The following EHBP1 variants were observed in gnomAD, a reference collection of about 807,000 sequenced individuals.
EHBP1 encodes the protein EH domain binding protein 1.
A neutral mutation model predicts 144.0 loss-of-function variants in EHBP1; 55 were observed. The observed-to-expected ratio is 0.38, with a 90% CI of 0.31 to 0.48. The LOEUF (loss-of-function observed/expected upper bound fraction) is 0.48. Among genes scored for constraint, EHBP1 ranks in the 20% least tolerant of loss-of-function variants. The pLI, the probability that EHBP1 is intolerant of heterozygous loss-of-function variation, is 0.98. For missense variants in EHBP1, 1,200 were observed against 1,364.2 expected (o/e 0.88, Z 1.90); for synonymous variants, 469 against 472.7 (o/e 0.99, Z 0.10).
At chr2:62,824,453 T>C (rs1352516278) in intron 5 of EHBP1, among the ~76,000 whole-genome samples, 1 of 152,026 alleles carries the variant, frequency 6.6e-6, no homozygotes, top group Admixed American at 6.6e-5. Flanking sequence ...GATCATACTT[T>C]TTCATTTTGC....
At chr2:62,694,026 GT>G (rs1463292798) in intron 1 of EHBP1, among the ~76,000 whole-genome samples, 1 of 151,908 alleles carries the variant, frequency 6.6e-6, no homozygotes, top group Admixed American at 6.6e-5. Context: ...AGATTTATTT[GT>G]TTTCTTCTAA....
intron 3 of EHBP1, among the ~76,000 whole-genome samples, chr2:62,752,947 CTT>C (rs2039895054): frequency 6.6e-6 from 1 of 152,126 alleles, no homozygotes; most frequent in Admixed American, 6.5e-5. Flanking sequence ...GGTCTTGACT[CTT>C]TATCCAAATT....
chr2:62,696,847 C>T (rs1369420919), intron 1 of EHBP1, among the ~76,000 whole-genome samples: 3 of 152,082 alleles, frequency 2.0e-5, no homozygotes, highest in Non-Finnish European at 4.4e-5. Context: ...TAAAAAATCA[C>T]AGAACACATA....
chr2:62,820,737 A>AT (rs1236966050), intron 5 of EHBP1, among the ~76,000 whole-genome samples: 23 of 54,640 alleles, frequency 4.2e-4, no homozygotes, highest in African/African-American at 1.4e-3. Flanking sequence ...GTGTGTGTAT[A>AT]ATATATATAT....
At chr2:62,839,668 A>G (rs1217784944) in intron 7 of EHBP1, among the ~76,000 whole-genome samples, 3 of 151,778 alleles carry the variant, frequency 2.0e-5, no homozygotes. Context: ...ATCAATGTAC[A>G]AAAATCACAA....
chr2:62,904,987 G>A (rs138039504), intron 10 of EHBP1, among the ~76,000 whole-genome samples: 1,789 of 152,238 alleles, frequency 0.012, 14 homozygotes, highest in Middle Eastern at 0.02. Context: ...CAAAATAAGA[G>A]TCTTCAGATA....
chr2:62,927,613 T>G (rs189472782), intron 10 of EHBP1, among the ~76,000 whole-genome samples: 1 of 152,288 alleles, frequency 6.6e-6, no homozygotes, highest in Admixed American at 6.5e-5. Context: ...TCAAAATATC[T>G]GAAGCAAAAA....
chr2:62,953,158 G>A (rs1478070946), intron 13 of EHBP1, among the ~76,000 whole-genome samples: 4 of 148,774 alleles, frequency 2.7e-5, no homozygotes, highest in East Asian at 2.0e-4. Flanking sequence ...CGGAGGTTGC[G>A]GTGAGCCGAG....
intron 14 of EHBP1, among the ~76,000 whole-genome samples, chr2:62,973,620 T>C (rs2058586850): frequency 6.6e-6 from 1 of 152,162 alleles, no homozygotes; most frequent in African/African-American, 2.4e-5. Flanking sequence ...ACATAAATGC[T>C]CAGGAGATAG....
chr2:62,888,826 C>G (rs1339733784), intron 10 of EHBP1, among the ~76,000 whole-genome samples: 1 of 152,094 alleles, frequency 6.6e-6, no homozygotes, highest in Non-Finnish European at 1.5e-5. Flanking sequence ...AATAGATTCA[C>G]ACAAACTATG....
chr2:62,931,846 C>T (rs1373902706), intron 10 of EHBP1, among the ~76,000 whole-genome samples: 2 of 151,992 alleles, frequency 1.3e-5, no homozygotes, highest in African/African-American at 4.8e-5. Context: ...ATAGACAGCT[C>T]AATACTATCC....
chr2:62,784,850 C>T (rs1267918851), intron 5 of EHBP1, among the ~76,000 whole-genome samples: 3 of 152,092 alleles, frequency 2.0e-5, no homozygotes, highest in Admixed American at 2.0e-4. Context: ...CTGTGGATCC[C>T]AAACTTGGCT....
At chr2:62,713,501 C>T (rs1360561857) in intron 2 of EHBP1, among the ~76,000 whole-genome samples, 2 of 152,086 alleles carry the variant, frequency 1.3e-5, no homozygotes, top group Non-Finnish European at 2.9e-5. Flanking sequence ...ACCTCAGCCT[C>T]CCAAAGTACT....
At chr2:62,936,784 CTT>C (rs2056414981) in intron 10 of EHBP1, among the ~76,000 whole-genome samples, 1 of 151,916 alleles carries the variant, frequency 6.6e-6, no homozygotes, top group Non-Finnish European at 1.5e-5. Context: ...AATGAAAACA[CTT>C]TGAAAAAAAA....
chr2:62,893,708 G>A (rs1178985777), intron 10 of EHBP1, among the ~76,000 whole-genome samples: 3 of 152,128 alleles, frequency 2.0e-5, no homozygotes, highest in African/African-American at 7.2e-5. Flanking sequence ...TTTCAGGTTT[G>A]GAGGTGGGTA....
chr2:62,775,775 C>T (rs560581547), intron 5 of EHBP1, among the ~76,000 whole-genome samples: 3 of 152,264 alleles, frequency 2.0e-5, no homozygotes, highest in African/African-American at 4.8e-5. Context: ...CCCTATTTTA[C>T]AGGTAAAGAA....
At chr2:62,773,945 G>A in intron 5 of EHBP1, among the ~76,000 whole-genome samples, 1 of 141,382 alleles carries the variant, frequency 7.1e-6, no homozygotes, top group Non-Finnish European at 1.5e-5. Context: ...AATTTGAAAA[G>A]TAGACCCTAG....
Position 62,863,837 on chromosome 2 carries a change from GTTGT to G in EHBP1, c.758-891_758-888del, listed in dbSNP as rs1471260991. ...ATTTTTTTAAATTTTATTTTTCTGT[GTTGT>G]TTTTTTTTTTTTTTTTTTTTTTTTA... On this transcript the variant is annotated intron_variant, in intron 8 of 22. Transcript: ENST00000431489. 3.9e-4 allele frequency among the ~76,000 whole-genome samples: 29 copies of G among 74,576 alleles called. 1 individual carries two copies. Among genetic ancestry groups the G allele is most frequent in the African/African-American group, 1.3e-3 (26 of 20,350 alleles). The allele number at this position is 74,576 out of a possible 152,430, so 48.9% of individuals were successfully genotyped here. A position where few individuals can be genotyped will look rare whatever the true frequency, so the allele number is the denominator to read the frequency against.
intron 2 of EHBP1, among the ~76,000 whole-genome samples, chr2:62,746,052 G>A (rs753928432): frequency 3.3e-5 from 5 of 152,012 alleles, no homozygotes; most frequent in Non-Finnish European, 7.4e-5. Context: ...AAGTGAAGAG[G>A]TTAGTGCAGT....
Sources: allele counts gnomAD v4.1 joint callset (sites outside exome capture counted in the v4.1 genomes callset), GRCh38; gene constraint gnomAD v4.1.1; transcripts MANE v1.5; gene names NCBI Gene and HGNC (gene_info 2026-07-23, HGNC 2026-07-21).